The following NRG4 variants were observed in gnomAD, a reference collection of about 807,000 sequenced individuals.
NRG4 encodes the protein pro-neuregulin-4, membrane-bound isoform.
A neutral mutation model predicts 15.0 loss-of-function variants in NRG4; 10 were observed. That is an observed-to-expected ratio of 0.67 (90% CI 0.41 to 1.13). The LOEUF (loss-of-function observed/expected upper bound fraction) is 1.13, where lower values mean the gene tolerates loss of function less well. NRG4 is among the 50% of genes most tolerant of loss of function. The pLI is 0.00. For missense variants in NRG4, 139 were observed against 140.2 expected (o/e 0.99, Z 0.04); for synonymous variants, 41 against 50.1 (o/e 0.82, Z 0.77).
chr15:75,938,793 C>T (rs1355212883), downstream of NRG4: 1 of 151,960 alleles, frequency 6.6e-6, no homozygotes, highest in African/African-American at 2.4e-5. Flanking sequence ...ATTTTTGAAC[C>T]ACAACAGGAT....
Position 75,942,250 on chromosome 15 carries a change from A to G in NRG4, c.*1388T>C, listed in dbSNP as rs1400092043. 1 of 152,162 alleles carries G rather than the reference A, an allele frequency of 6.6e-6. No homozygotes were observed. Among genetic ancestry groups the G allele is most frequent in the Non-Finnish European group, 1.5e-5 (1 of 68,044 alleles). The allele number at this position is 152,162 out of a possible 1,614,324, so 9.4% of individuals were successfully genotyped here. ...TAATAGTGGATACATGACATTATAT[A>G]TTGGTCAAAATCCATAAAGACATAC... On this transcript the variant is annotated 3_prime_UTR_variant, in exon 6 of 6. Coordinates refer to ENST00000394907, the MANE Select transcript of NRG4 (RefSeq NM_138573.4).
At chr15:76,027,536 C>G (rs542552051) in intron 5 of NRG4, among the ~76,000 whole-genome samples, 2 of 151,884 alleles carry the variant, frequency 1.3e-5, no homozygotes, top group East Asian at 3.9e-4. Flanking sequence ...CACCAGAGCA[C>G]CCAGATATAT....
rs2031071402 is a variant in NRG4 at position 75,942,295 on chromosome 15, A to T, written c.*1343T>A. The T allele has an allele frequency of 6.6e-6, 1 of 152,190 alleles. No individual in the cohort carries two copies. The highest frequency in any genetic ancestry group is 1.5e-5 in the Non-Finnish European group (1 of 68,034). 9.4% of individuals were successfully genotyped at this position (152,190 alleles called of 1,614,324 possible). A position where few individuals can be genotyped will look rare whatever the true frequency, so the allele number is the denominator to read the frequency against. ...ACATACAACAAAAAGAGGACCCTTC[A>T]TGTAAATTACAGGCTTCAGCTAGCC... On this transcript the variant is annotated 3_prime_UTR_variant, in exon 6 of 6. Coordinates refer to ENST00000394907, the MANE Select transcript of NRG4 (RefSeq NM_138573.4).
At chr15:75,956,047 G>T in intron 4 of NRG4, 36 bp from the exon 5 acceptor site, 1 of 1,230,444 alleles carries the variant, frequency 8.1e-7, no homozygotes, top group Non-Finnish European at 1.2e-6. Context: ...AAAAATGGAA[G>T]TGTAATAGGA....
intron 3 of NRG4, among the ~76,000 whole-genome samples, chr15:76,002,478 A>G (rs2034448209): frequency 6.6e-6 from 1 of 152,184 alleles, no homozygotes; most frequent in African/African-American, 2.4e-5. Flanking sequence ...GCAAGATGGT[A>G]GACTTAAACC....
At chr15:76,033,549 A>G (rs1369504210) in intron 5 of NRG4, among the ~76,000 whole-genome samples, 2 of 152,244 alleles carry the variant, frequency 1.3e-5, no homozygotes, top group African/African-American at 4.8e-5. Flanking sequence ...TGTAACAGTC[A>G]ACCCAGTTCA....
chr15:76,038,210 T>A (rs1242455521), intron 4 of NRG4, among the ~76,000 whole-genome samples: 1 of 152,108 alleles, frequency 6.6e-6, no homozygotes, highest in African/African-American at 2.4e-5. Context: ...GGTAAGAGAT[T>A]TCTTCTGCTT....
At chr15:76,010,598 A>G (rs2034774577) in intron 2 of NRG4, among the ~76,000 whole-genome samples, 1 of 152,158 alleles carries the variant, frequency 6.6e-6, no homozygotes, top group African/African-American at 2.4e-5. Flanking sequence ...AACTGGTGAA[A>G]AAGAAAGTAA....
intron 3 of NRG4, among the ~76,000 whole-genome samples, chr15:75,984,463 A>T (rs546574075): frequency 6.6e-6 from 1 of 152,226 alleles, no homozygotes; most frequent in African/African-American, 2.4e-5. Flanking sequence ...AACCATAAAA[A>T]AGAATGAGTT....
chr15:75,948,503 G>C (rs1184099594), intron 5 of NRG4, among the ~76,000 whole-genome samples: 1 of 151,976 alleles, frequency 6.6e-6, no homozygotes. Context: ...ATTTCACCAT[G>C]CTGGCCAGGC....
At chr15:75,997,672 A>G (rs1430629837) in intron 3 of NRG4, among the ~76,000 whole-genome samples, 2 of 152,198 alleles carry the variant, frequency 1.3e-5, no homozygotes, top group Non-Finnish European at 2.9e-5. Context: ...ACTTCATACA[A>G]TGAAAGTTTA....
intron 3 of NRG4, among the ~76,000 whole-genome samples, chr15:75,983,100 AAAAAATCAAATGTTCTCAAGAG>A (rs2033664297): frequency 6.6e-6 from 1 of 152,202 alleles, no homozygotes; most frequent in African/African-American, 2.4e-5. Context: ...ACAAAGAACC[AAAAAATCAAATGTTCTCAAGAG>A]AAAGAAAATA....
chr15:75,996,262 C>G (rs1353245349), intron 3 of NRG4, among the ~76,000 whole-genome samples: 1 of 152,094 alleles, frequency 6.6e-6, no homozygotes, highest in Non-Finnish European at 1.5e-5. Context: ...GATGAGATCC[C>G]TCACAATGTA....
At chr15:75,993,270 C>T (rs1372156886) in intron 3 of NRG4, among the ~76,000 whole-genome samples, 3 of 150,546 alleles carry the variant, frequency 2.0e-5, no homozygotes, top group African/African-American at 7.3e-5. Context: ...AAATTGGGGA[C>T]CATCATTTCT....
chr15:76,007,821 A>T (rs951844674), intron 3 of NRG4, among the ~76,000 whole-genome samples: 3 of 152,230 alleles, frequency 2.0e-5, no homozygotes, highest in African/African-American at 7.2e-5. Context: ...AATATATTAT[A>T]AAGTTAAGTG....
chr15:75,966,377 CTG>C (rs1360167123), intron 3 of NRG4, among the ~76,000 whole-genome samples: 1 of 152,194 alleles, frequency 6.6e-6, no homozygotes, highest in Non-Finnish European at 1.5e-5. Flanking sequence ...TCACTTAAGA[CTG>C]TGAAATCAAA....
rs1218197434 is a variant in NRG4 at position 75,941,876 on chromosome 15, T to C, written c.*1762A>G. Reference sequence around the variant, plus strand: ...GAATGTATTTAATGCCTTTAAACTGTAACTTCAAAATGGTTAAAATTTAAA... The same window carrying C: ...GAATGTATTTAATGCCTTTAAACTGCAACTTCAAAATGGTTAAAATTTAAA... On this transcript the variant is annotated 3_prime_UTR_variant, in exon 6 of 6. Coordinates refer to ENST00000394907, the MANE Select transcript of NRG4 (RefSeq NM_138573.4). The C allele has an allele frequency of 7.1e-6, 1 of 141,008 alleles. No homozygotes were observed. The highest frequency in any genetic ancestry group is 2.7e-5 in the African/African-American group (1 of 37,096). 8.7% of individuals were successfully genotyped at this position (141,008 alleles called of 1,614,324 possible). A position where few individuals can be genotyped will look rare whatever the true frequency, so the allele number is the denominator to read the frequency against.
chr15:76,023,168 AC>A (rs2035210695), intron 5 of NRG4, among the ~76,000 whole-genome samples: 6 of 146,672 alleles, frequency 4.1e-5, no homozygotes, highest in South Asian at 4.3e-4. Flanking sequence ...ACACACACAC[AC>A]ACACACACAC....
chr15:76,050,597 A>ATTTTTTTT (rs35228253), intron 4 of NRG4, among the ~76,000 whole-genome samples: 49 of 108,916 alleles, frequency 4.5e-4, no homozygotes, highest in Non-Finnish European at 5.8e-4. Flanking sequence ...CGCTCGGCTA[A>ATTTTTTTT]TTTTTTTTTT....
Sources: allele counts gnomAD v4.1 joint callset (sites outside exome capture counted in the v4.1 genomes callset), GRCh38; gene constraint gnomAD v4.1.1; transcripts MANE v1.5; gene names NCBI Gene and HGNC (gene_info 2026-07-23, HGNC 2026-07-21).